The following PXN variants were observed in gnomAD, a reference collection of about 807,000 sequenced individuals.
The protein encoded by PXN is testicular tissue protein Li 134.
In PXN, 61 loss-of-function variants were observed where a neutral mutation model predicts 103.6. The ratio of observed to expected loss-of-function variants is 0.59; its 90% CI spans 0.48 to 0.73. PXN has a LOEUF of 0.73. PXN is among the 30% of genes least tolerant of loss of function. PXN has a pLI of 0.00. For synonymous variants in PXN, 562 were observed against 607.8 expected (o/e 0.92, Z 1.11); for missense variants, 1,274 against 1,460.3 (o/e 0.87, Z 2.08).
rs1425590690 is a variant in PXN, at chr12:120,221,616, A to G, written c.831+7T>C. The G allele has an allele frequency of 6.4e-7, 1 of 1,560,456 alleles. No individual in the cohort carries two copies. Among genetic ancestry groups the G allele is most frequent in the Non-Finnish European group, 8.7e-7 (1 of 1,152,578 alleles). ...AGGGCAGGGAAGATGGAGGGTTCACAGGGCACCTTGAAATCCGACAGCGAA... is the reference window on the plus strand; with the variant it reads ...AGGGCAGGGAAGATGGAGGGTTCACGGGGCACCTTGAAATCCGACAGCGAA... On this transcript the variant is annotated splice_region_variant and intron_variant, in intron 6 of 14. Coordinates refer to ENST00000637617, the MANE Select transcript of PXN (RefSeq NM_001385981.1). The surrounding 1 kb of genome is among the most constrained non-coding windows in gnomAD (Gnocchi z 6.6).
chr12:120,223,589 TA>T, intron 3 of PXN, 128 bp downstream of exon 3: 1 of 655,420 alleles, frequency 1.5e-6, no homozygotes, highest in Non-Finnish European at 2.6e-6. Flanking sequence ...TTCTGCAGCT[TA>T]AACCAGAATA....
chr12:120,245,334 C>T (rs919565074), intron 1 of PXN, among the ~76,000 whole-genome samples: 1 of 151,336 alleles, frequency 6.6e-6, no homozygotes, highest in Non-Finnish European at 1.5e-5. Context: ...CCACAAAGCA[C>T]GTACAGATTA....
Position 120,215,718 on chromosome 12 carries a change from A to C in PXN, c.2302-57T>G. The C allele has an allele frequency of 6.6e-7, 1 of 1,518,038 alleles. No homozygotes were observed. The highest frequency in any genetic ancestry group is 8.9e-7 in the Non-Finnish European group (1 of 1,126,108). The allele number at this position is 1,518,038 out of a possible 1,614,324, so 94.0% of individuals were successfully genotyped here. On this transcript the variant is annotated intron_variant, in intron 9 of 14. Coordinates refer to ENST00000637617, the MANE Select transcript of PXN (RefSeq NM_001385981.1). The surrounding 1 kb of genome is among the most constrained non-coding windows in gnomAD (Gnocchi z 4.9). ...TCTTTTTTAAAAATTAAGAAAGAAT[A>C]CAAGACCTTGTCACTGGACTAAAAG...
intron 1 of PXN, among the ~76,000 whole-genome samples, chr12:120,258,339 C>T (rs1238237481): frequency 6.6e-6 from 1 of 152,198 alleles, no homozygotes; most frequent in Non-Finnish European, 1.5e-5. Context: ...TGCCTCCACA[C>T]CTATGGACAC....
At position 120,215,156 on chromosome 12, in the gene PXN, C is replaced by T. The variant is rs757931149; in HGVS notation, c.2521G>A (p.Ala841Thr). The stretch of plus-strand genomic sequence containing the variant: ...CCGCAGACTCCTTTGGCGACTGTGG[C>T]GACCCCCAGCTTGTTCAGGTCAGAC... Reference protein sequence around the residue: ...LQSDLNKLGVATVAKGVCGAC... With the variant: ...LQSDLNKLGVTTVAKGVCGAC... The change falls in exon 11 of 15, where the codon GCC becomes ACC. Residue 841 changes from alanine (A) to threonine (T), a missense_variant. Physicochemically the swap from Ala to Thr is moderately conservative, Grantham distance 58. Coordinates refer to ENST00000637617, the MANE Select transcript of PXN (RefSeq NM_001385981.1). This position sits in a 1 kb window ranked among gnomAD's most constrained non-coding sequence, Gnocchi z 4.9. 1.9e-5 allele frequency: 30 copies of T among 1,570,308 alleles called. No individual in the cohort carries two copies. Among genetic ancestry groups the T allele is most frequent in the African/African-American group, 8.1e-5 (6 of 73,838 alleles).
At position 120,224,928 on chromosome 12, in the gene PXN, C is replaced by CT. The variant is rs1350193134; in HGVS notation, c.14-552dup. On this transcript the variant is annotated intron_variant, in intron 1 of 14. Transcript: ENST00000637617. This position sits in a 1 kb window ranked among gnomAD's most constrained non-coding sequence, Gnocchi z 5.0. ...TCCAGGTTCCTCCTGAGGCTCTAGG[C>CT]TTATGGGGTAAGGTGTGCGGGGAGG... The CT allele has an allele frequency of 1.4e-5, 5 of 355,904 alleles. No homozygotes were observed. Among genetic ancestry groups the CT allele is most frequent in the Non-Finnish European group, 2.8e-5 (5 of 179,314 alleles). 22.0% of individuals were successfully genotyped at this position (355,904 alleles called of 1,614,324 possible). A position where few individuals can be genotyped will look rare whatever the true frequency, so the allele number is the denominator to read the frequency against.
intron 1 of PXN, among the ~76,000 whole-genome samples, chr12:120,263,195 C>T (rs899418840): frequency 6.6e-6 from 1 of 152,158 alleles, no homozygotes; most frequent in Non-Finnish European, 1.5e-5. Flanking sequence ...GCTGAGCCAC[C>T]CTAAGGAAAA....
At chr12:120,237,936 G>A (rs1324514932) in intron 1 of PXN, among the ~76,000 whole-genome samples, 1 of 152,158 alleles carries the variant, frequency 6.6e-6, no homozygotes, top group Non-Finnish European at 1.5e-5. Flanking sequence ...TAGGCAGCAG[G>A]CCTGACCCAA....
chr12:120,214,933 C>A lies in PXN; in HGVS notation c.2640G>T (p.Glu880Asp), dbSNP rs201730545. 3 of 1,614,000 alleles carry A rather than the reference C, an allele frequency of 1.9e-6. No individual in the cohort carries two copies. Among genetic ancestry groups the A allele is most frequent in the African/African-American group, 2.7e-5 (2 of 75,048 alleles). The change falls in exon 12 of 15, where the codon GAG becomes GAT. Residue 880 changes from glutamate (E) to aspartate (D), a missense_variant. Coordinates refer to ENST00000637617, the MANE Select transcript of PXN (RefSeq NM_001385981.1). This position sits in a 1 kb window ranked among gnomAD's most constrained non-coding sequence, Gnocchi z 5.0. Reference sequence around the variant, plus strand: ...GCTCGAAGAAGTTCCGGGATCCGATCTCCTCCTGGCAGTGGGTGCAGACGA... The same window carrying A: ...GCTCGAAGAAGTTCCGGGATCCGATATCCTCCTGGCAGTGGGTGCAGACGA... ...EHFVCTHCQE[E>D]IGSRNFFERD...
chr12:120,254,708 G>A (rs966276688), intron 1 of PXN, among the ~76,000 whole-genome samples: 7 of 151,910 alleles, frequency 4.6e-5, no homozygotes, highest in African/African-American at 9.7e-5. Context: ...GTGCCACCAC[G>A]CCCAGCTAAT....
intron 1 of PXN, among the ~76,000 whole-genome samples, chr12:120,250,322 T>C (rs2239208): frequency 0.14 from 21,545 of 152,146 alleles, 1,893 homozygotes; most frequent in East Asian, 0.46. Flanking sequence ...ACAGATCAAC[T>C]ACCCCTAAAG....
rs1165560767 is a variant in PXN at position 120,222,685 on chromosome 12, T to C, written c.559A>G (p.Asn187Asp). Residue 187 changes from asparagine (N) to aspartate (D), a missense_variant, in exon 5 of 15, where the codon AAC (asparagine) becomes GAC (aspartate). By Grantham distance (23) the Asn-to-Asp change is conservative. Around this residue, in one of 2 missense-constraint regions of PXN, gnomAD observed 1,178 missense variants for 1,309.0 expected, o/e 0.90. Coordinates refer to ENST00000637617, the MANE Select transcript of PXN (RefSeq NM_001385981.1). This position sits in a 1 kb window ranked among gnomAD's most constrained non-coding sequence, Gnocchi z 4.7. ...LSPLYGVPET[N>D]SPLGGKAGPL... ...CCAGCTTTGCCTCCCAAGGGGCTGT[T>C]AGTCTCTGGGACACCATAGAGGGGG... 2 of 1,609,656 alleles carry C rather than the reference T, an allele frequency of 1.2e-6. No individual in the cohort carries two copies. Among genetic ancestry groups the C allele is most frequent in the Non-Finnish European group, 1.7e-6 (2 of 1,178,158 alleles).
At chr12:120,253,710 G>A (rs1006541568) in intron 1 of PXN, among the ~76,000 whole-genome samples, 1 of 152,088 alleles carries the variant, frequency 6.6e-6, no homozygotes, top group Non-Finnish European at 1.5e-5. Context: ...TTAAAATGTG[G>A]TTTATACATC....
At chr12:120,246,630 A>G (rs1374022096) in intron 1 of PXN, among the ~76,000 whole-genome samples, 4 of 152,048 alleles carry the variant, frequency 2.6e-5, no homozygotes, top group Non-Finnish European at 4.4e-5. Context: ...TGAGGCAGGC[A>G]GATCGTGAGA....
rs554556594 is a variant in PXN at position 120,221,825 on chromosome 12, G to A, written c.696-67C>T. 3 of 1,492,784 alleles carry A rather than the reference G, an allele frequency of 2.0e-6. No homozygotes were observed. Among genetic ancestry groups the A allele is most frequent in the South Asian group, 2.5e-5 (2 of 78,724 alleles). 92.5% of individuals were successfully genotyped at this position (1,492,784 alleles called of 1,614,324 possible). On this transcript the variant is annotated intron_variant, in intron 5 of 14. Transcript: ENST00000637617. The surrounding 1 kb of genome is among the most constrained non-coding windows in gnomAD (Gnocchi z 6.6). Reference sequence around the variant, plus strand: ...CCCCACACTTCCCGGGGATCAGATCGACCTCTCACCTCGGACACTGGGGTC... The same window carrying A: ...CCCCACACTTCCCGGGGATCAGATCAACCTCTCACCTCGGACACTGGGGTC...
In PXN at chr12:120,212,562, C is replaced by A. The variant is rs149061964; in HGVS notation, c.2998G>T (p.Val1000Leu). ...TCGTGCTCGAAGAAGCTGCCGTTCACGAATGGCGTGAAGCATTCCTGCCAG... is the reference window on the plus strand; with the variant it reads ...TCGTGCTCGAAGAAGCTGCCGTTCAAGAATGGCGTGAAGCATTCCTGCCAG... ...FVCRECFTPF[V>L]NGSFFEHDGQ... Residue 1000 changes from valine (V) to leucine (L), a missense_variant, in exon 15 of 15, where the codon GTG becomes TTG. By Grantham distance (32) the Val-to-Leu change is conservative. Transcript: ENST00000637617. This position sits in a 1 kb window ranked among gnomAD's most constrained non-coding sequence, Gnocchi z 7.2. 3.7e-6 allele frequency: 6 copies of A among 1,612,934 alleles called. No homozygotes were observed. The highest frequency in any genetic ancestry group is 1.6e-4 in the Middle Eastern group (1 of 6,082).
Position 120,213,692 on chromosome 12 carries a change from G to A in PXN, c.2979+150C>T, listed in dbSNP as rs551217788. 1.2e-5 allele frequency: 14 copies of A among 1,151,846 alleles called. No homozygotes were observed. In the South Asian group the frequency reaches 1.4e-4, roughly 11 times the overall value. The allele number at this position is 1,151,846 out of a possible 1,614,324, so 71.4% of individuals were successfully genotyped here. A position where few individuals can be genotyped will look rare whatever the true frequency, so the allele number is the denominator to read the frequency against. On this transcript the variant is annotated intron_variant, in intron 14 of 14. Transcript: ENST00000637617. This position sits in a 1 kb window ranked among gnomAD's most constrained non-coding sequence, Gnocchi z 4.2. ...TACAAACCCTGGCCCAGGACCTACT[G>A]GACTGGAGGAAGGAGATCCCCTGCC...
At position 120,211,723 on chromosome 12, in the gene PXN, C is replaced by T. The variant is rs936722747; in HGVS notation, c.*591G>A. 1.7e-5 allele frequency: 6 copies of T among 343,782 alleles called. No homozygotes were observed. The highest frequency in any genetic ancestry group is 4.3e-5 in the African/African-American group (2 of 46,488). The allele number at this position is 343,782 out of a possible 1,614,324, so 21.3% of individuals were successfully genotyped here. On this transcript the variant is annotated 3_prime_UTR_variant, in exon 15 of 15. Transcript: ENST00000637617. Reference sequence around the variant, plus strand: ...CAAGAGCAGGTATAAAAGGGGAGGGCGGGTCTAAAAGGCAGGGGCAGTCGC... The same window carrying T: ...CAAGAGCAGGTATAAAAGGGGAGGGTGGGTCTAAAAGGCAGGGGCAGTCGC...
chr12:120,223,003 TGA>T lies in PXN; in HGVS notation c.357-6_357-5del, dbSNP rs1365989714. The stretch of plus-strand genomic sequence containing the variant: ...TGATTTCTGCTTGTTGGGGAAGCTT[TGA>T]GAGGCAAAGGAAAGAAGATAGTGAG... On this transcript the variant is annotated splice_polypyrimidine_tract_variant and splice_region_variant and intron_variant, in intron 3 of 14. Coordinates refer to ENST00000637617, the MANE Select transcript of PXN (RefSeq NM_001385981.1). The T allele has an allele frequency of 6.8e-6, 11 of 1,613,904 alleles. No homozygotes were observed. Among genetic ancestry groups the T allele is most frequent in the East Asian group, 2.2e-5 (1 of 44,858 alleles).
Sources: gnomAD v4.1 joint callset for allele counts (sites outside exome capture counted in the v4.1 genomes callset) on GRCh38, gnomAD v4.1.1 for gene constraint, gnomAD v4.1.1 regional missense constraint, Gnocchi (gnomAD v3.1) non-coding constraint, MANE v1.5 for transcripts, NCBI Gene and HGNC (gene_info 2026-07-23, HGNC 2026-07-21) for gene names.